SHC3: variants seen among roughly 807,000 people sequenced by gnomAD.
SHC3 encodes SHC-transforming protein 3.
In SHC3, 15 loss-of-function variants were observed where a neutral mutation model predicts 60.4. That is an observed-to-expected ratio of 0.25 (90% CI 0.17 to 0.38). The LOEUF (loss-of-function observed/expected upper bound fraction) is 0.38. Among genes scored for constraint, SHC3 ranks in the 10% least tolerant of loss-of-function variants. The pLI is 1.00. For synonymous variants in SHC3, 294 were observed against 325.9 expected, an observed-to-expected ratio of 0.90 and a Z score of 1.05; for missense variants, 677 against 786.1, an observed-to-expected ratio of 0.86 and a Z score of 1.66.
chr9:89,032,721 G>C (rs1296189888), intron 11 of SHC3, among the ~76,000 whole-genome samples: 1 of 152,072 alleles, frequency 6.6e-6, no homozygotes, highest in African/African-American at 2.4e-5. Context: ...CGGTGGGAAG[G>C]CACAAAGGTT....
intron 1 of SHC3, among the ~76,000 whole-genome samples, chr9:89,176,668 A>T (rs1484786753): frequency 6.6e-6 from 1 of 152,206 alleles, no homozygotes; most frequent in Non-Finnish European, 1.5e-5. Context: ...CTTAAAATAA[A>T]CTCAACCAAA....
intron 1 of SHC3, among the ~76,000 whole-genome samples, chr9:89,156,065 T>A (rs187801159): frequency 5.9e-5 from 9 of 152,316 alleles, no homozygotes; most frequent in African/African-American, 2.2e-4. Context: ...TGAATGGGGC[T>A]GACCCATGTG....
chr9:89,136,271 GGGGCT>G (rs893130302), intron 1 of SHC3, among the ~76,000 whole-genome samples: 1 of 152,168 alleles, frequency 6.6e-6, no homozygotes, highest in African/African-American at 2.4e-5. Context: ...ATCTTGAATA[GGGGCT>G]GGAAAAAATG....
chr9:89,151,663 G>C (rs192075995), intron 1 of SHC3, among the ~76,000 whole-genome samples: 21 of 152,244 alleles, frequency 1.4e-4, no homozygotes, highest in African/African-American at 5.1e-4. Context: ...TGAGTTGTAA[G>C]TATTCTTTAC....
chr9:89,075,065 C>A, intron 4 of SHC3, 44 bp downstream of exon 4: 1 of 1,604,358 alleles, frequency 6.2e-7, no homozygotes, highest in Non-Finnish European at 8.5e-7. Flanking sequence ...ACACTCATCA[C>A]CTGGGGCTGT....
intron 10 of SHC3, among the ~76,000 whole-genome samples, chr9:89,040,798 T>C (rs752399036): frequency 6.6e-6 from 1 of 152,248 alleles, no homozygotes; most frequent in Non-Finnish European, 1.5e-5. Context: ...CTTGCTTAGA[T>C]TATTTTTGTT....
At chr9:89,078,772 G>T (rs1173815765) in intron 2 of SHC3, among the ~76,000 whole-genome samples, 2 of 152,116 alleles carry the variant, frequency 1.3e-5, no homozygotes, top group African/African-American at 4.8e-5. Flanking sequence ...CAAGTCAGGG[G>T]TCCAGAAAGG....
chr9:89,085,632 T>C (rs538384900), intron 2 of SHC3, among the ~76,000 whole-genome samples: 1 of 152,368 alleles, frequency 6.6e-6, no homozygotes, highest in South Asian at 2.1e-4. Context: ...ATTTTCTCCA[T>C]AATTGTTCCA....
At chr9:89,152,546 C>T (rs552591844) in intron 1 of SHC3, among the ~76,000 whole-genome samples, 1 of 152,328 alleles carries the variant, frequency 6.6e-6, no homozygotes, top group Non-Finnish European at 1.5e-5. Flanking sequence ...TGCCTGTGTG[C>T]AATCGCACCT....
chr9:89,125,507 A>C (rs1826151220), intron 1 of SHC3, among the ~76,000 whole-genome samples: 1 of 152,136 alleles, frequency 6.6e-6, no homozygotes. Flanking sequence ...GAGCAACTCC[A>C]TCTTGAATAG....
chr9:89,046,734 T>G (rs1013593773), intron 8 of SHC3, 110 bp downstream of exon 8: 4 of 1,246,722 alleles, frequency 3.2e-6, no homozygotes, highest in East Asian at 2.6e-5. Context: ...TGATTTACTG[T>G]GTCAAAAATG....
At chr9:89,064,203 G>T (rs117602015) in intron 6 of SHC3, among the ~76,000 whole-genome samples, 1 of 152,154 alleles carries the variant, frequency 6.6e-6, no homozygotes, top group African/African-American at 2.4e-5. Context: ...TCATATTGGG[G>T]GTTTCTATTT....
intron 4 of SHC3, among the ~76,000 whole-genome samples, chr9:89,073,418 G>C (rs1825305375): frequency 6.6e-6 from 1 of 152,190 alleles, no homozygotes; most frequent in African/African-American, 2.4e-5. Context: ...ACTCTGTAGA[G>C]GGGAGCGGCT....
intron 9 of SHC3, among the ~76,000 whole-genome samples, chr9:89,043,583 A>G (rs13299517): frequency 0.28 from 42,611 of 152,092 alleles, 7,773 homozygotes; most frequent in African/African-American, 0.52. Flanking sequence ...CACTTCCATT[A>G]GGGACAGTAT....
rs1825930791 is a variant in SHC3 at position 89,005,798 on chromosome 9, G to A, written c.*7649C>T. ...CTTTTCACAACAGCCTTTATTGCCT[G>A]CAGACTTACATGTATAGTCCTTTAA... On this transcript the variant is annotated 3_prime_UTR_variant, in exon 12 of 12. Transcript: ENST00000375835. 2.0e-5 allele frequency: 3 copies of A among 152,206 alleles called. No homozygotes were observed. Among genetic ancestry groups the A allele is most frequent in the Admixed American group, 6.5e-5 (1 of 15,280 alleles). The allele number at this position is 152,206 out of a possible 1,614,324, so 9.4% of individuals were successfully genotyped here. A position where few individuals can be genotyped will look rare whatever the true frequency, so the allele number is the denominator to read the frequency against.
At chr9:89,030,132 A>G (rs1824459074) in intron 11 of SHC3, among the ~76,000 whole-genome samples, 1 of 152,168 alleles carries the variant, frequency 6.6e-6, no homozygotes, top group African/African-American at 2.4e-5. Flanking sequence ...TACTAGAGAT[A>G]AAGGGGGACA....
intron 7 of SHC3, among the ~76,000 whole-genome samples, chr9:89,050,549 G>A (rs35174232): frequency 0.081 from 12,273 of 152,254 alleles, 665 homozygotes; most frequent in Admixed American, 0.12. Flanking sequence ...GCCTCCCAAA[G>A]TACTGAGATT....
At chr9:89,135,091 C>T (rs1483874759) in intron 1 of SHC3, among the ~76,000 whole-genome samples, 2 of 151,988 alleles carry the variant, frequency 1.3e-5, no homozygotes, top group African/African-American at 4.8e-5. Context: ...TAAATATTTG[C>T]ATAAGTACAA....
chr9:89,055,214 A>G (rs1824929346), intron 6 of SHC3, among the ~76,000 whole-genome samples: 2 of 152,204 alleles, frequency 1.3e-5, no homozygotes, highest in African/African-American at 4.8e-5. Context: ...ATGCATCCCA[A>G]TCCACCAGAC....
Sources: gnomAD v4.1 joint callset for allele counts (sites outside exome capture counted in the v4.1 genomes callset) on GRCh38, gnomAD v4.1.1 for gene constraint, MANE v1.5 for transcripts, NCBI Gene and HGNC (gene_info 2026-07-23, HGNC 2026-07-21) for gene names.